The following SGCZ variants were observed in gnomAD, a reference collection of about 807,000 sequenced individuals.
SGCZ encodes the protein sarcoglycan zeta, also known as zeta-sarcoglycan.
A neutral mutation model predicts 41.3 loss-of-function variants in SGCZ; 40 were observed. The observed-to-expected ratio is 0.97, with a 90% CI of 0.75 to 1.26. The LOEUF is 1.26. Among genes scored for constraint, SGCZ ranks in the 50% most tolerant of loss-of-function variants. SGCZ has a pLI of 0.00. For synonymous variants in SGCZ, 206 were observed against 137.5 expected, an observed-to-expected ratio of 1.50 and a Z score of -3.49; for missense variants, 552 against 369.8, an observed-to-expected ratio of 1.49 and a Z score of -4.04.
intron 4 of SGCZ, among the ~76,000 whole-genome samples, chr8:14,231,754 A>T (rs551527515): frequency 1.3e-5 from 2 of 152,296 alleles, no homozygotes; most frequent in South Asian, 4.1e-4. Context: ...ATTTCTCCCT[A>T]TTAAACAAAA....
intron 2 of SGCZ, among the ~76,000 whole-genome samples, chr8:14,385,486 G>A (rs767857385): frequency 4.7e-4 from 72 of 152,228 alleles, no homozygotes; most frequent in Non-Finnish European, 7.4e-4. Flanking sequence ...TTGTGCTATG[G>A]TCCACACCAT....
chr8:14,196,041 A>C (rs1163782467), intron 4 of SGCZ, among the ~76,000 whole-genome samples: 1 of 152,044 alleles, frequency 6.6e-6, no homozygotes, highest in African/African-American at 2.4e-5. Flanking sequence ...TTAAACAAAA[A>C]TAATAATGTT....
intron 1 of SGCZ, among the ~76,000 whole-genome samples, chr8:14,589,600 T>C (rs1002947650): frequency 6.6e-6 from 1 of 152,238 alleles, no homozygotes; most frequent in East Asian, 1.9e-4. Flanking sequence ...ATTTTTAAAA[T>C]TGAGGGAGAA....
chr8:14,271,990 C>T (rs1800080616), intron 3 of SGCZ, among the ~76,000 whole-genome samples: 1 of 152,052 alleles, frequency 6.6e-6, no homozygotes, highest in South Asian at 2.1e-4. Context: ...TGCTTTCATT[C>T]ACTTACCAAT....
chr8:14,142,636 G>A (rs891933233), intron 5 of SGCZ, among the ~76,000 whole-genome samples: 1 of 152,138 alleles, frequency 6.6e-6, no homozygotes, highest in Non-Finnish European at 1.5e-5. Context: ...AAGACAGGTG[G>A]AGGTGATATG....
At chr8:14,426,742 A>G (rs1799793262) in intron 2 of SGCZ, among the ~76,000 whole-genome samples, 1 of 152,140 alleles carries the variant, frequency 6.6e-6, no homozygotes, top group Non-Finnish European at 1.5e-5. Flanking sequence ...GGCAACTGGA[A>G]GTAATAAAAA....
intron 1 of SGCZ, among the ~76,000 whole-genome samples, chr8:14,791,769 A>G (rs1800963156): frequency 6.6e-6 from 1 of 152,204 alleles, no homozygotes; most frequent in Admixed American, 6.5e-5. Context: ...AGCAAGAGCT[A>G]TAGGTTCCAA....
At chr8:14,563,543 A>G (rs1804270493) in intron 1 of SGCZ, among the ~76,000 whole-genome samples, 1 of 152,206 alleles carries the variant, frequency 6.6e-6, no homozygotes, top group Non-Finnish European at 1.5e-5. Flanking sequence ...AGGCAGAAAT[A>G]TTGTCTGAAA....
rs185905433 is a variant in SGCZ, at chr8:14,370,165, A to G, written c.235-45961T>C. Among the ~76,000 whole-genome samples the G allele has an allele frequency of 5.4e-3, 823 of 151,998 alleles. 3 individuals are homozygous for G. Among genetic ancestry groups the G allele is most frequent in the Admixed American group, 0.013 (196 of 15,208 alleles). ...TTTGACACAAAGGAGAAGAAAGGAG[A>G]GTTTTAAATAGGAAAGACTAAATTG... On this transcript the variant is annotated intron_variant, in intron 2 of 7. Transcript: ENST00000382080.
At chr8:14,649,025 T>G (rs989181279) in intron 1 of SGCZ, among the ~76,000 whole-genome samples, 1 of 152,150 alleles carries the variant, frequency 6.6e-6, no homozygotes, top group East Asian at 1.9e-4. Context: ...ATAGTCTAGC[T>G]GCTGTTTGAT....
intron 2 of SGCZ, among the ~76,000 whole-genome samples, chr8:14,545,235 G>A (rs887951181): frequency 3.3e-5 from 5 of 152,038 alleles, no homozygotes; most frequent in Non-Finnish European, 5.9e-5. Context: ...TACTTATTAG[G>A]TCTGAGGATG....
intron 1 of SGCZ, among the ~76,000 whole-genome samples, chr8:15,063,414 A>G (rs1163606171): frequency 2.0e-5 from 3 of 152,214 alleles, no homozygotes; most frequent in Non-Finnish European, 4.4e-5. Flanking sequence ...AGAAAAAGTT[A>G]TATTACAAAG....
At chr8:14,362,480 A>T (rs1803560175) in intron 2 of SGCZ, among the ~76,000 whole-genome samples, 1 of 152,010 alleles carries the variant, frequency 6.6e-6, no homozygotes, top group Admixed American at 6.5e-5. Flanking sequence ...GCAAGGCTCC[A>T]TGGGCGTGGG....
chr8:14,542,641 A>C (rs758622321), intron 2 of SGCZ, among the ~76,000 whole-genome samples: 3 of 151,964 alleles, frequency 2.0e-5, no homozygotes, highest in Non-Finnish European at 4.4e-5. Flanking sequence ...TCTTAAACCA[A>C]ATTGGTGTTC....
intron 4 of SGCZ, among the ~76,000 whole-genome samples, chr8:14,182,459 C>T (rs1279998244): frequency 6.6e-6 from 1 of 152,140 alleles, no homozygotes; most frequent in Non-Finnish European, 1.5e-5. Context: ...CAAAGCTGTC[C>T]TGTTGCCATC....
chr8:14,521,723 G>A (rs976442598), intron 2 of SGCZ, among the ~76,000 whole-genome samples: 7 of 152,000 alleles, frequency 4.6e-5, no homozygotes, highest in Non-Finnish European at 5.9e-5. Context: ...TATTCCAAAC[G>A]GCTATATCAA....
intron 1 of SGCZ, among the ~76,000 whole-genome samples, chr8:14,727,683 G>A (rs186518397): frequency 0.012 from 1,845 of 151,758 alleles, 22 homozygotes; most frequent in Middle Eastern, 0.034. Flanking sequence ...GCTAATTTTT[G>A]TTGTATTTTT....
chr8:14,412,028 C>T (rs1201637721), intron 2 of SGCZ, among the ~76,000 whole-genome samples: 2 of 152,050 alleles, frequency 1.3e-5, no homozygotes, highest in African/African-American at 2.4e-5. Flanking sequence ...TCTTTGTTCA[C>T]AACAATATGA....
intron 5 of SGCZ, among the ~76,000 whole-genome samples, chr8:14,116,482 T>C (rs1170055091): frequency 6.6e-6 from 1 of 152,126 alleles, no homozygotes; most frequent in African/African-American, 2.4e-5. Flanking sequence ...GTCATTCATT[T>C]ACTAATAACC....
Sources: allele counts gnomAD v4.1 joint callset (sites outside exome capture counted in the v4.1 genomes callset), GRCh38; gene constraint gnomAD v4.1.1; transcripts MANE v1.5; gene names NCBI Gene and HGNC (gene_info 2026-07-23, HGNC 2026-07-21).